Variants in OSTN observed in about 807,000 individuals in gnomAD.
The protein encoded by OSTN is osteocrin.
In OSTN, 9 loss-of-function variants were observed where a neutral mutation model predicts 12.0. That is an observed-to-expected ratio of 0.75 (90% CI 0.45 to 1.30). The LOEUF is 1.30. Ranked by LOEUF, OSTN falls within the 50% of genes most tolerant of loss-of-function variation. The probability of loss-of-function intolerance (pLI) is 0.00; values close to 1 mark genes in which losing one functional copy is unlikely to be tolerated. For synonymous variants in OSTN, 59 were observed against 56.9 expected (o/e 1.04, Z -0.16); for missense variants, 148 against 152.3 (o/e 0.97, Z 0.15).
intron 1 of OSTN, among the ~76,000 whole-genome samples, chr3:191,208,876 G>A (rs1714347434): frequency 6.6e-6 from 1 of 152,184 alleles, no homozygotes; most frequent in Non-Finnish European, 1.5e-5. Flanking sequence ...AGATATATCA[G>A]GCCAGACGTG....
At chr3:191,228,726 G>T (rs766356461) in intron 3 of OSTN, 2 of 152,082 alleles carry the variant, frequency 1.3e-5, no homozygotes, top group African/African-American at 2.4e-5. Flanking sequence ...TTTCTTATGT[G>T]AGCTTCACCA....
chr3:191,210,360 C>A (rs1714388831), intron 1 of OSTN, among the ~76,000 whole-genome samples: 1 of 151,872 alleles, frequency 6.6e-6, no homozygotes, highest in Admixed American at 6.6e-5. Flanking sequence ...ACATTGAGGG[C>A]AAGGAAAGAG....
chr3:191,212,463 T>C (rs1714482326), intron 1 of OSTN, 70 bp from the exon 2 acceptor site: 1 of 997,710 alleles, frequency 1.0e-6, no homozygotes, highest in Non-Finnish European at 1.4e-6. Context: ...ACAGTCCTTT[T>C]AGGAACTTCT....
chr3:191,260,686 C>T (rs546472383), intron 4 of OSTN, among the ~76,000 whole-genome samples: 225 of 152,258 alleles, frequency 1.5e-3, no homozygotes, highest in Non-Finnish European at 2.6e-3. Context: ...GGATGGCCAC[C>T]TGATGTGATC....
chr3:191,213,406 T>A (rs1045571874), intron 2 of OSTN: 1 of 152,158 alleles, frequency 6.6e-6, no homozygotes, highest in Non-Finnish European at 1.5e-5. Context: ...GCCAGTTATC[T>A]AAACGTGGAA....
At chr3:191,218,485 T>C (rs148217922) in intron 2 of OSTN, among the ~76,000 whole-genome samples, 2,058 of 152,110 alleles carry the variant, frequency 0.014, 37 homozygotes, top group African/African-American at 0.041. Flanking sequence ...TGGCCAGGCA[T>C]GATGGCAGGC....
chr3:191,233,957 A>G (rs1354909701), intron 3 of OSTN, among the ~76,000 whole-genome samples: 1 of 150,836 alleles, frequency 6.6e-6, no homozygotes, highest in East Asian at 2.0e-4. Context: ...ACACCATTAC[A>G]CTCCAGCATG....
intron 3 of OSTN, among the ~76,000 whole-genome samples, chr3:191,232,478 ATT>A (rs921333736): frequency 4.0e-4 from 59 of 148,462 alleles, no homozygotes; most frequent in African/African-American, 1.4e-3. Flanking sequence ...TATTACTATT[ATT>A]TTTTTCTATA....
Position 191,248,934 on chromosome 3 carries a change from AT to A in OSTN, c.318-1100del, listed in dbSNP as rs199825570. On this transcript the variant is annotated intron_variant, in intron 3 of 4. Coordinates refer to ENST00000682035, the MANE Select transcript of OSTN (RefSeq NM_198184.2). Reference sequence around the variant, plus strand: ...ATCGTACTCCAGCAGAAATCCTTACATTTGGTGGGAGAATAACCTTTTAAGT... The same window carrying A: ...ATCGTACTCCAGCAGAAATCCTTACATTGGTGGGAGAATAACCTTTTAAGT... Among the ~76,000 whole-genome samples the A allele has an allele frequency of 6.6e-5, 10 of 152,250 alleles. No individual in the cohort carries two copies. The East Asian group carries it at 1.9e-3, about 29-fold the overall frequency.
intron 2 of OSTN, chr3:191,216,942 T>A (rs1416963461): frequency 6.6e-6 from 1 of 152,488 alleles, no homozygotes; most frequent in Non-Finnish European, 1.5e-5. Flanking sequence ...TCCACATTTT[T>A]GGGTATCTTT....
intron 1 of OSTN, among the ~76,000 whole-genome samples, chr3:191,200,051 GATT>G (rs1203584813): frequency 6.6e-6 from 1 of 152,088 alleles, no homozygotes; most frequent in African/African-American, 2.4e-5. Context: ...TTAGGAATGT[GATT>G]ATTATTTGTT....
intron 3 of OSTN, among the ~76,000 whole-genome samples, chr3:191,220,532 G>A (rs149296741): frequency 8.3e-4 from 126 of 152,282 alleles, no homozygotes; most frequent in African/African-American, 2.9e-3. Context: ...TACACTGTTA[G>A]TGGGAATGTA....
intron 4 of OSTN, among the ~76,000 whole-genome samples, chr3:191,252,570 A>T (rs1260081034): frequency 6.6e-6 from 1 of 152,176 alleles, no homozygotes; most frequent in Non-Finnish European, 1.5e-5. Context: ...ATCACAAAAG[A>T]ATCGATTTAG....
intron 3 of OSTN, 62 bp from the exon 4 acceptor site, chr3:191,249,975 A>T: frequency 7.8e-7 from 1 of 1,288,700 alleles, no homozygotes; most frequent in Non-Finnish European, 1.1e-6. Context: ...AAAATAAAGA[A>T]CAAAAATAAT....
chr3:191,245,396 G>A (rs1168685275), intron 3 of OSTN, among the ~76,000 whole-genome samples: 1 of 152,130 alleles, frequency 6.6e-6, no homozygotes, highest in Non-Finnish European at 1.5e-5. Flanking sequence ...GATAGGCATA[G>A]CAATTATTAT....
In OSTN at chr3:191,227,914, C is replaced by T. The variant is rs116023893; in HGVS notation, c.317+8953C>T. On this transcript the variant is annotated intron_variant, in intron 3 of 4. Transcript: ENST00000682035. ...TCAGGTGTTATAATTTTATTTAACA[C>T]GTTCAACTTATAACTTTATTTCATT... 4.8e-3 allele frequency among the ~76,000 whole-genome samples: 724 copies of T among 152,152 alleles called. 2 individuals are homozygous for T. The highest frequency in any genetic ancestry group is 7.6e-3 in the Non-Finnish European group (516 of 68,004).
At chr3:191,222,496 G>A (rs181989303) in intron 3 of OSTN, among the ~76,000 whole-genome samples, 1 of 152,192 alleles carries the variant, frequency 6.6e-6, no homozygotes, top group Non-Finnish European at 1.5e-5. Context: ...CCCAATGCCT[G>A]TCCCCCCACA....
intron 3 of OSTN, among the ~76,000 whole-genome samples, chr3:191,222,807 G>T (rs1327670992): frequency 6.6e-6 from 1 of 152,018 alleles, no homozygotes; most frequent in Non-Finnish European, 1.5e-5. Flanking sequence ...ATTGAATCAT[G>T]GGGGTGGCTA....
intron 1 of OSTN, among the ~76,000 whole-genome samples, chr3:191,203,980 T>C (rs539409665): frequency 5.6e-4 from 86 of 152,250 alleles, no homozygotes; most frequent in African/African-American, 1.9e-3. Context: ...CTCCGCCTCC[T>C]GGGTTCAAGC....
Sources: gnomAD v4.1 joint callset for allele counts (sites outside exome capture counted in the v4.1 genomes callset) on GRCh38, gnomAD v4.1.1 for gene constraint, MANE v1.5 for transcripts, NCBI Gene and HGNC (gene_info 2026-07-23, HGNC 2026-07-21) for gene names.